DENND4C: variants seen among roughly 807,000 people sequenced by gnomAD.
The protein encoded by DENND4C is DENN domain-containing protein 4C.
In DENND4C, 108 loss-of-function variants were observed where a neutral mutation model predicts 203.0. The observed-to-expected ratio is 0.53, with a 90% CI of 0.46 to 0.62. DENND4C has a LOEUF of 0.62. DENND4C is among the 20% of genes least tolerant of loss of function. DENND4C has a pLI of 0.00. For synonymous variants in DENND4C, 871 were observed against 792.4 expected, an observed-to-expected ratio of 1.10 and a Z score of -1.67; for missense variants, 2,481 against 2,301.2, an observed-to-expected ratio of 1.08 and a Z score of -1.60.
At chr9:19,284,245 C>T (rs34014776) in intron 2 of DENND4C, among the ~76,000 whole-genome samples, 8,081 of 152,160 alleles carry the variant, frequency 0.053, 333 homozygotes, top group East Asian at 0.25. Context: ...GCCTTTTTCA[C>T]CTAAGAGTAT....
rs1052787103 is a variant in DENND4C, at chr9:19,335,082, A to G, written c.2566A>G (p.Ile856Val). The G allele has an allele frequency of 4.4e-6, 7 of 1,604,932 alleles. No homozygotes were observed. The highest frequency in any genetic ancestry group is 1.7e-4 in the Middle Eastern group (1 of 6,016). ...AACTGCTAGGATAAAGCCTAATGCT[A>G]TTACTTATGGTTATTATAATAAGGT... is the stretch of plus-strand genomic sequence containing the variant. ...MKTARIKPNA[I>V]TYGYYNKVVL... Residue 856 changes from isoleucine (I) to valine (V), a missense_variant, in exon 18 of 33, where the codon ATT becomes GTT. Transcript: ENST00000434457.
chr9:19,281,913 C>A (rs1240633542), intron 2 of DENND4C, among the ~76,000 whole-genome samples: 1 of 152,162 alleles, frequency 6.6e-6, no homozygotes, highest in East Asian at 1.9e-4. Context: ...ACAGAAAAAT[C>A]TGGCATAAAA....
intron 1 of DENND4C, among the ~76,000 whole-genome samples, chr9:19,251,895 G>A (rs1022085230): frequency 2.6e-5 from 4 of 152,116 alleles, no homozygotes; most frequent in African/African-American, 7.2e-5. Context: ...AAGTCTCTAG[G>A]GAGTTCCAAA....
At chr9:19,264,037 A>G (rs1829984352) in intron 1 of DENND4C, among the ~76,000 whole-genome samples, 1 of 152,102 alleles carries the variant, frequency 6.6e-6, no homozygotes, top group Non-Finnish European at 1.5e-5. Flanking sequence ...GTTTGGAAGT[A>G]TTCTGTTCAC....
chr9:19,337,632 A>T (rs1179793698), intron 20 of DENND4C: 1 of 1,287,804 alleles, frequency 7.8e-7, no homozygotes, highest in Non-Finnish European at 1.0e-6. Context: ...CTATGGATAC[A>T]CGTGTGCATT....
chr9:19,270,689 G>C (rs1478241125), intron 1 of DENND4C, among the ~76,000 whole-genome samples: 1 of 151,892 alleles, frequency 6.6e-6, no homozygotes, highest in Non-Finnish European at 1.5e-5. Context: ...TGGTCATTTG[G>C]GTATCTTTGG....
At chr9:19,354,197 C>T (rs1189415642) in intron 26 of DENND4C, among the ~76,000 whole-genome samples, 1 of 152,178 alleles carries the variant, frequency 6.6e-6, no homozygotes, top group Non-Finnish European at 1.5e-5. Flanking sequence ...TACCTTTCTA[C>T]TTATCCATTA....
intron 16 of DENND4C, among the ~76,000 whole-genome samples, chr9:19,328,822 G>A (rs1818450321): frequency 6.6e-6 from 1 of 151,978 alleles, no homozygotes; most frequent in Non-Finnish European, 1.5e-5. Flanking sequence ...GCCGAGGCAG[G>A]TGGATCACCT....
At chr9:19,329,304 A>G (rs73435144) in intron 16 of DENND4C, among the ~76,000 whole-genome samples, 4,105 of 152,312 alleles carry the variant, frequency 0.027, 182 homozygotes, top group African/African-American at 0.091. Flanking sequence ...TCAAGAGTAG[A>G]ACTGCATAAT....
chr9:19,244,670 G>A (rs1052918630), intron 1 of DENND4C, among the ~76,000 whole-genome samples: 1 of 151,704 alleles, frequency 6.6e-6, no homozygotes, highest in African/African-American at 2.4e-5. Context: ...AACCCGGGAG[G>A]TGGAGGTTGC....
chr9:19,255,125 G>A (rs1827625768), intron 1 of DENND4C, among the ~76,000 whole-genome samples: 1 of 151,996 alleles, frequency 6.6e-6, no homozygotes, highest in East Asian at 1.9e-4. Context: ...CAGCCTGGGT[G>A]GCAAGAGCGA....
intron 18 of DENND4C, among the ~76,000 whole-genome samples, chr9:19,336,022 TCAA>T (rs2131852593): frequency 6.6e-6 from 1 of 152,278 alleles, no homozygotes; most frequent in Admixed American, 6.5e-5. Context: ...ACATCCTTAA[TCAA>T]CATCTTTTGT....
At position 19,241,564 on chromosome 9, in the gene DENND4C, G is replaced by A. The variant is rs148077642; in HGVS notation, c.-18+10731G>A. ...TTTTGTCGGAAATGAAAACATAAGC[G>A]CACACATTAGTCTAGGGCCCACACA... On this transcript the variant is annotated intron_variant, in intron 1 of 32. Transcript: ENST00000434457. 2.7e-5 allele frequency among the ~76,000 whole-genome samples: 4 copies of A among 149,752 alleles called. No homozygotes were observed. The East Asian group carries it at 5.9e-4, about 22-fold the overall frequency.
rs149293204 is a variant in DENND4C at position 19,307,453 on chromosome 9, C to G, written c.1487+1926C>G. On this transcript the variant is annotated intron_variant, in intron 10 of 32. Transcript: ENST00000434457. ...AAATTATACAGAATAATGTAAATAA[C>G]TTGTATCTATTCACCACAACTTTAT... Among the ~76,000 whole-genome samples, 383 of 143,384 alleles carry G rather than the reference C, an allele frequency of 2.7e-3. 1 individual carries two copies. The highest frequency in any genetic ancestry group is 9.7e-3 in the African/African-American group (376 of 38,960). The allele number at this position is 143,384 out of a possible 152,430, so 94.1% of individuals were successfully genotyped here.
chr9:19,289,107 T>C (rs1756702499), intron 4 of DENND4C, among the ~76,000 whole-genome samples: 1 of 152,174 alleles, frequency 6.6e-6, no homozygotes, highest in Non-Finnish European at 1.5e-5. Context: ...TTGCTTCCTT[T>C]CTCCTTTGTT....
chr9:19,348,913 A>G (rs1040582460), intron 23 of DENND4C, among the ~76,000 whole-genome samples: 12 of 152,058 alleles, frequency 7.9e-5, no homozygotes, highest in Non-Finnish European at 1.3e-4. Flanking sequence ...GGCTCAAGCA[A>G]TCCTCCTGCC....
intron 1 of DENND4C, among the ~76,000 whole-genome samples, chr9:19,234,334 G>A (rs1018066773): frequency 4.6e-5 from 7 of 151,648 alleles, no homozygotes; most frequent in Admixed American, 1.3e-4. Flanking sequence ...AGGTTCAAGC[G>A]ATTCTCCTGT....
rs975343970 is a variant in DENND4C, at chr9:19,286,958, C to A, written c.495C>A (p.Thr165=). The A allele has an allele frequency of 3.2e-6, 4 of 1,231,902 alleles. No homozygotes were observed. Among genetic ancestry groups the A allele is most frequent in the African/African-American group, 1.6e-5 (1 of 64,384 alleles). The allele number at this position is 1,231,902 out of a possible 1,614,324, so 76.3% of individuals were successfully genotyped here. ...TAACTGATATCTGTGTTATTGTAAC[C>A]AGTAAAGGAGAAACTCCTCCTCATA... is the stretch of plus-strand genomic sequence containing the variant. ...LAVTDICVIV[T]SKGETPPHTF... The change falls in exon 3 of 33, where the codon ACC becomes ACA. Residue 165 remains threonine, a synonymous_variant. Transcript: ENST00000434457.
chr9:19,328,685 A>C (rs549000924), intron 16 of DENND4C, among the ~76,000 whole-genome samples: 1 of 144,968 alleles, frequency 6.9e-6, no homozygotes, highest in Admixed American at 6.9e-5. Flanking sequence ...CTATCTATCT[A>C]TCTATCTATC....
Sources: allele counts gnomAD v4.1 joint callset (sites outside exome capture counted in the v4.1 genomes callset), GRCh38; gene constraint gnomAD v4.1.1; transcripts MANE v1.5; gene names NCBI Gene and HGNC (gene_info 2026-07-23, HGNC 2026-07-21).